Variants in CLASP1 observed in about 807,000 individuals in gnomAD.
The protein encoded by CLASP1 is cytoplasmic linker associated protein 1.
A neutral mutation model predicts 192.3 loss-of-function variants in CLASP1; 38 were observed. That is an observed-to-expected ratio of 0.20 (90% confidence interval 0.15 to 0.26). CLASP1 has a LOEUF of 0.26. CLASP1 is among the 10% of genes least tolerant of loss of function. The pLI, the probability that CLASP1 is intolerant of heterozygous loss-of-function variation, is 1.00. For missense variants in CLASP1, 1,433 were observed against 1,932.5 expected (o/e 0.74, Z 4.85); for synonymous variants, 691 against 712.8 (o/e 0.97, Z 0.49).
chr2:121,631,161 A>G (rs1338319618), intron 1 of CLASP1, among the ~76,000 whole-genome samples: 1 of 93,920 alleles, frequency 1.1e-5, no homozygotes, highest in African/African-American at 8.6e-5. Context: ...TCCAGCTCAA[A>G]AAAAAAAAAA....
chr2:121,581,877 A>T (rs1415612467), intron 2 of CLASP1, among the ~76,000 whole-genome samples: 2 of 151,500 alleles, frequency 1.3e-5, no homozygotes, highest in Non-Finnish European at 2.9e-5. Context: ...AAAGCGAGAT[A>T]CTGTCTCAAA....
intron 8 of CLASP1, among the ~76,000 whole-genome samples, chr2:121,487,101 T>C (rs574578732): frequency 2.6e-4 from 40 of 152,262 alleles, no homozygotes; most frequent in Non-Finnish European, 5.3e-4. Flanking sequence ...GGCCAAAATA[T>C]GGAATTGCTC....
Position 121,631,831 on chromosome 2 carries a change from G to A in CLASP1, c.-286+17541C>T, listed in dbSNP as rs548151188. Among the ~76,000 whole-genome samples the A allele has an allele frequency of 2.6e-5, 4 of 152,108 alleles. No homozygotes were observed. The South Asian group carries it at 6.2e-4, about 24-fold the overall frequency. On this transcript the variant is annotated intron_variant, in intron 1 of 39. Coordinates refer to ENST00000263710, the Ensembl canonical transcript of CLASP1. ...AGAGGCTGAGGTGGGTGGGTCACCTGAGGTCAACAGTTCGAGACCAGCCTG... is the reference window on the plus strand; with the variant it reads ...AGAGGCTGAGGTGGGTGGGTCACCTAAGGTCAACAGTTCGAGACCAGCCTG...
At chr2:121,586,672 T>G (rs543037749) in intron 2 of CLASP1, among the ~76,000 whole-genome samples, 2 of 151,506 alleles carry the variant, frequency 1.3e-5, no homozygotes. Context: ...CTGTCCTGAG[T>G]GTGCATGAAT....
At chr2:121,591,678 C>T (rs2062421574) in intron 2 of CLASP1, among the ~76,000 whole-genome samples, 2 of 152,226 alleles carry the variant, frequency 1.3e-5, no homozygotes, top group Admixed American at 6.5e-5. Flanking sequence ...TTAAGGACGC[C>T]TGAACATCTT....
chr2:121,574,650 A>C (rs1291152105), intron 2 of CLASP1, among the ~76,000 whole-genome samples: 2 of 148,750 alleles, frequency 1.3e-5, no homozygotes, highest in Non-Finnish European at 1.5e-5. Flanking sequence ...AAAAAAAAAA[A>C]AACAAAAACC....
intron 8 of CLASP1, among the ~76,000 whole-genome samples, chr2:121,480,605 A>G (rs763880330): frequency 1.2e-4 from 19 of 152,210 alleles, no homozygotes; most frequent in Non-Finnish European, 2.5e-4. Flanking sequence ...GTATAAAAAG[A>G]AAATGAAGAG....
At chr2:121,465,148 C>T (rs1243822868) in intron 9 of CLASP1, among the ~76,000 whole-genome samples, 10 of 152,110 alleles carry the variant, frequency 6.6e-5, no homozygotes, top group South Asian at 2.1e-4. Context: ...CTATTCAACA[C>T]AGTGTTAGAA....
chr2:121,499,395 C>T (rs543964592), intron 8 of CLASP1, among the ~76,000 whole-genome samples: 33 of 151,566 alleles, frequency 2.2e-4, no homozygotes, highest in South Asian at 6.3e-4. Flanking sequence ...GAAAATAGGA[C>T]GCCAGAAACT....
At chr2:121,548,518 C>A (rs934682541) in intron 2 of CLASP1, among the ~76,000 whole-genome samples, 1 of 152,144 alleles carries the variant, frequency 6.6e-6, no homozygotes, top group African/African-American at 2.4e-5. Flanking sequence ...ACTTCACCAA[C>A]CCTGCTAGAG....
In CLASP1 at chr2:121,365,091, C is replaced by T; in HGVS notation, c.4077+3G>A. 1.9e-6 allele frequency: 3 copies of T among 1,613,982 alleles called. No individual in the cohort carries two copies. The South Asian group carries it at 3.3e-5, about 18-fold the overall frequency. On this transcript the variant is annotated splice_donor_region_variant and intron_variant, in intron 36 of 39. Transcript: ENST00000263710. ...GCAAGATAAGGCCAAACCAGCATCT[C>T]ACGTCTTTGTCTCCAAGGGTCTCCA...
chr2:121,491,104 G>A (rs963448402), intron 8 of CLASP1, among the ~76,000 whole-genome samples: 3 of 152,092 alleles, frequency 2.0e-5, no homozygotes, highest in Admixed American at 2.0e-4. Flanking sequence ...TCTCATTTCC[G>A]ACAAAGTAGA....
At chr2:121,446,367 G>A (rs1218274469) in intron 19 of CLASP1, among the ~76,000 whole-genome samples, 1 of 152,172 alleles carries the variant, frequency 6.6e-6, no homozygotes. Flanking sequence ...CCAGGTCACA[G>A]AGCGAATAAA....
At position 121,454,235 on chromosome 2, in the gene CLASP1, A is replaced by T. The variant is rs939773397; in HGVS notation, c.1386-2386T>A. Among the ~76,000 whole-genome samples the T allele has an allele frequency of 2.0e-5, 3 of 151,716 alleles. 1 individual carries two copies. The South Asian group carries it at 6.3e-4, about 32-fold the overall frequency. ...GAGATGGGACCTTTGGGAAGTGACA[A>T]GGTTTAGATTAGGCATGATAATGGG... On this transcript the variant is annotated intron_variant, in intron 14 of 39. Coordinates refer to ENST00000263710, the Ensembl canonical transcript of CLASP1.
intron 9 of CLASP1, among the ~76,000 whole-genome samples, chr2:121,465,320 A>G (rs1245120527): frequency 6.6e-6 from 1 of 152,232 alleles, no homozygotes; most frequent in Non-Finnish European, 1.5e-5. Context: ...AGTTCAGCAA[A>G]GTCTCAGGAT....
intron 2 of CLASP1, among the ~76,000 whole-genome samples, chr2:121,578,681 T>C (rs1576177629): frequency 6.6e-6 from 1 of 151,038 alleles, no homozygotes; most frequent in Non-Finnish European, 1.5e-5. Flanking sequence ...TGAGCCGAGA[T>C]TGCACCACTG....
intron 2 of CLASP1, chr2:121,531,045 G>C (rs543188881): frequency 2.9e-6 from 2 of 698,192 alleles, no homozygotes; most frequent in Admixed American, 2.0e-5. Flanking sequence ...AGTTCAAACA[G>C]CAGTAATTCG....
chr2:121,485,141 C>G (rs964191956), intron 8 of CLASP1, among the ~76,000 whole-genome samples: 5 of 152,200 alleles, frequency 3.3e-5, no homozygotes, highest in African/African-American at 1.2e-4. Flanking sequence ...AAGGCATAAC[C>G]TCATCTACAT....
At chr2:121,518,220 G>C (rs1374131504) in intron 6 of CLASP1, among the ~76,000 whole-genome samples, 1 of 110,596 alleles carries the variant, frequency 9.0e-6, no homozygotes, top group Non-Finnish European at 1.7e-5. Flanking sequence ...GACAGAGCGA[G>C]ACCCCCGTCT....
Sources: allele counts gnomAD v4.1 joint callset (sites outside exome capture counted in the v4.1 genomes callset), GRCh38; gene constraint gnomAD v4.1.1; transcripts MANE v1.5; gene names NCBI Gene and HGNC (gene_info 2026-07-23, HGNC 2026-07-21).